PTPRN2: variants seen among roughly 807,000 people sequenced by gnomAD.
The protein encoded by PTPRN2 is protein tyrosine phosphatase receptor type N2, also known as receptor-type tyrosine-protein phosphatase N2.
A neutral mutation model predicts 118.8 loss-of-function variants in PTPRN2; 74 were observed. The ratio of observed to expected loss-of-function variants is 0.62; its 90% CI spans 0.52 to 0.76. PTPRN2 has a LOEUF of 0.76. Among genes scored for constraint, PTPRN2 ranks in the 30% least tolerant of loss-of-function variants. The pLI is 0.00. For synonymous variants in PTPRN2, 641 were observed against 608.0 expected (o/e 1.05, Z -0.80); for missense variants, 1,481 against 1,394.4 (o/e 1.06, Z -0.99).
chr7:157,778,259 T>C (rs1207371885), intron 12 of PTPRN2, among the ~76,000 whole-genome samples: 1 of 152,252 alleles, frequency 6.6e-6, no homozygotes, highest in Non-Finnish European at 1.5e-5. Context: ...AGGCGTCGAA[T>C]GCCCAAGTAC....
Position 157,769,115 on chromosome 7 carries a change from C to T in PTPRN2, c.1789-86178G>A, listed in dbSNP as rs530825963. On this transcript the variant is annotated intron_variant, in intron 12 of 22. Coordinates refer to ENST00000389418, the MANE Select transcript of PTPRN2 (RefSeq NM_002847.5). ...GGAGCGTTTGCCTGCACCCAGCCAT[C>T]GTCATGACAACGCCTCCACCGCGGC... Among the ~76,000 whole-genome samples the T allele has an allele frequency of 5.9e-5, 9 of 152,302 alleles. No homozygotes were observed. The South Asian group carries it at 6.2e-4, about 11-fold the overall frequency.
intron 11 of PTPRN2, among the ~76,000 whole-genome samples, chr7:158,073,142 CCTTTGCACTCAGCACCAT>C (rs1480455708): frequency 1.3e-5 from 2 of 152,068 alleles, no homozygotes; most frequent in Admixed American, 6.5e-5. Context: ...CTCAGCACCA[CCTTTGCACTCAGCACCAT>C]CTTTGCACTC....
rs1803553094 is a variant in PTPRN2, at chr7:157,984,264, TCCACCCCCCAC to T, written c.1724-85538_1724-85528del. 2.0e-4 allele frequency among the ~76,000 whole-genome samples: 7 copies of T among 34,882 alleles called. 2 individuals are homozygous for T. Among genetic ancestry groups the T allele is most frequent in the Non-Finnish European group, 2.9e-4 (5 of 17,470 alleles). The allele number at this position is 34,882 out of a possible 152,430, so 22.9% of individuals were successfully genotyped here. A position where few individuals can be genotyped will look rare whatever the true frequency, so the allele number is the denominator to read the frequency against. ...CAGGCTCCACCTCCCCACGCCAGGC[TCCACCCCCCAC>T]GCCAGGCTCCACCCCATCCCACGCC... On this transcript the variant is annotated intron_variant, in intron 11 of 22. Transcript: ENST00000389418.
chr7:158,172,945 A>G (rs1823846185), intron 5 of PTPRN2, among the ~76,000 whole-genome samples: 1 of 143,702 alleles, frequency 7.0e-6, no homozygotes. Flanking sequence ...CACTTCCACC[A>G]TCAACAGCAG....
intron 2 of PTPRN2, among the ~76,000 whole-genome samples, chr7:158,322,299 C>T (rs528898670): frequency 1.5e-4 from 23 of 152,360 alleles, no homozygotes; most frequent in Non-Finnish European, 3.2e-4. Context: ...CCTGGGGCAA[C>T]AGATGTTCAC....
chr7:157,890,936 G>C (rs2151305391), intron 12 of PTPRN2, among the ~76,000 whole-genome samples: 1 of 152,314 alleles, frequency 6.6e-6, no homozygotes, highest in South Asian at 2.1e-4. Flanking sequence ...CCTGCTGCTG[G>C]GCACCGCAGA....
chr7:157,792,418 A>C (rs4716497), intron 12 of PTPRN2, among the ~76,000 whole-genome samples: 1 of 152,094 alleles, frequency 6.6e-6, no homozygotes, highest in African/African-American at 2.4e-5. Context: ...ATTAGCCAGC[A>C]GTGGAGAGAA....
At chr7:158,246,746 G>A (rs971571151) in intron 3 of PTPRN2, among the ~76,000 whole-genome samples, 10 of 151,958 alleles carry the variant, frequency 6.6e-5, no homozygotes, top group Admixed American at 3.3e-4. Context: ...TGACAGCAAC[G>A]ACGACAGTGA....
rs948107079 is a variant in PTPRN2 at position 158,544,645 on chromosome 7, A to T, written c.112+42913T>A. On this transcript the variant is annotated intron_variant, in intron 1 of 22. Coordinates refer to ENST00000389418, the MANE Select transcript of PTPRN2 (RefSeq NM_002847.5). The surrounding 1 kb of genome is among the most constrained non-coding windows in gnomAD (Gnocchi z 4.2). ...AAGAACCAAACTCTGTCTCAAAAAAAAAAAAAATTATGAGATTTTTTTGCA... is the reference window on the plus strand; with the variant it reads ...AAGAACCAAACTCTGTCTCAAAAAATAAAAAAATTATGAGATTTTTTTGCA... Among the ~76,000 whole-genome samples the T allele has an allele frequency of 6.6e-6, 1 of 152,194 alleles. No homozygotes were observed. Among genetic ancestry groups the T allele is most frequent in the African/African-American group, 2.4e-5 (1 of 41,444 alleles).
intron 12 of PTPRN2, among the ~76,000 whole-genome samples, chr7:157,771,809 A>G (rs1162029060): frequency 6.8e-6 from 1 of 146,358 alleles, no homozygotes; most frequent in Non-Finnish European, 1.5e-5. Flanking sequence ...ACACAAACAC[A>G]CAGACACAGA....
intron 14 of PTPRN2, among the ~76,000 whole-genome samples, chr7:157,650,557 G>A (rs978505583): frequency 6.6e-6 from 1 of 152,158 alleles, no homozygotes; most frequent in Non-Finnish European, 1.5e-5. Flanking sequence ...GAGCGAGAAC[G>A]GCCAGCCCAG....
At chr7:157,816,928 A>C (rs980410952) in intron 12 of PTPRN2, among the ~76,000 whole-genome samples, 3 of 151,736 alleles carry the variant, frequency 2.0e-5, no homozygotes, top group Non-Finnish European at 4.4e-5. Context: ...GCACCCCAAG[A>C]CCTCTCTCTA....
chr7:158,342,391 C>T (rs1397294768), intron 2 of PTPRN2, among the ~76,000 whole-genome samples: 1 of 146,252 alleles, frequency 6.8e-6, no homozygotes, highest in Admixed American at 6.8e-5. Context: ...CTGACATCTG[C>T]AGACGTCACT....
At chr7:158,198,597 T>C (rs1197671036) in intron 4 of PTPRN2, among the ~76,000 whole-genome samples, 1 of 152,240 alleles carries the variant, frequency 6.6e-6, no homozygotes, top group Non-Finnish European at 1.5e-5. Context: ...TTGTTGTCCC[T>C]GTTCCTGCCT....
intron 3 of PTPRN2, among the ~76,000 whole-genome samples, chr7:158,247,443 G>A (rs1055605135): frequency 6.6e-6 from 1 of 152,004 alleles, no homozygotes; most frequent in Non-Finnish European, 1.5e-5. Context: ...GCCCGTCCCA[G>A]GTGTGCTCTT....
chr7:157,981,197 T>C lies in PTPRN2; in HGVS notation c.1724-82460A>G, dbSNP rs574998929. Among the ~76,000 whole-genome samples the C allele has an allele frequency of 3.3e-5, 5 of 152,378 alleles. No homozygotes were observed. In the South Asian group the frequency reaches 1.0e-3, roughly 32 times the overall value. On this transcript the variant is annotated intron_variant, in intron 11 of 22. Coordinates refer to ENST00000389418, the MANE Select transcript of PTPRN2 (RefSeq NM_002847.5). The stretch of plus-strand genomic sequence containing the variant: ...TTGCAAGAACCCACACATTTCTTGG[T>C]CCTTATACAAATTCAGAGGAACTGC...
Position 157,672,277 on chromosome 7 carries a change from C to T in PTPRN2, c.2001+10448G>A, listed in dbSNP as rs77618152. ...AATCCACCCTCAGAAGAATCAGACA[C>T]GTTTTCTAGACTTTCCCCTTCACAT... On this transcript the variant is annotated intron_variant, in intron 13 of 22. Coordinates refer to ENST00000389418, the MANE Select transcript of PTPRN2 (RefSeq NM_002847.5). 3.7e-4 allele frequency among the ~76,000 whole-genome samples: 56 copies of T among 152,250 alleles called. No individual in the cohort carries two copies. In the East Asian group the frequency reaches 0.01, roughly 28 times the overall value.
At chr7:157,902,612 G>A (rs1443588337) in intron 11 of PTPRN2, among the ~76,000 whole-genome samples, 1 of 152,188 alleles carries the variant, frequency 6.6e-6, no homozygotes, top group Non-Finnish European at 1.5e-5. Context: ...AGCACGTGGG[G>A]ACCAGCATTG....
intron 12 of PTPRN2, among the ~76,000 whole-genome samples, chr7:157,815,645 G>T (rs1486786675): frequency 2.0e-5 from 3 of 152,234 alleles, no homozygotes; most frequent in African/African-American, 7.2e-5. Context: ...ACATTCGGAT[G>T]CAGACAGGCA....
Sources: gnomAD v4.1 joint callset for allele counts (sites outside exome capture counted in the v4.1 genomes callset) on GRCh38, gnomAD v4.1.1 for gene constraint, Gnocchi (gnomAD v3.1) non-coding constraint, MANE v1.5 for transcripts, NCBI Gene and HGNC (gene_info 2026-07-23, HGNC 2026-07-21) for gene names.